Variants in SH3RF2 observed in about 807,000 individuals in gnomAD.
The protein encoded by SH3RF2 is SH3 domain containing ring finger 2, also known as E3 ubiquitin-protein ligase SH3RF2.
SH3RF2 carries 43 observed loss-of-function variants against 59.0 expected under a neutral mutation model. The ratio of observed to expected loss-of-function variants is 0.73; its 90% CI spans 0.57 to 0.94. The LOEUF (loss-of-function observed/expected upper bound fraction) is 0.94. Ranked by LOEUF, SH3RF2 falls within the 40% of genes least tolerant of loss-of-function variation. SH3RF2 has a pLI of 0.00. For synonymous variants in SH3RF2, 391 were observed against 391.5 expected (o/e 1.00, Z 0.01); for missense variants, 930 against 940.1 (o/e 0.99, Z 0.14).
At chr5:145,992,445 A>G (rs1759975844) in intron 2 of SH3RF2, among the ~76,000 whole-genome samples, 1 of 152,198 alleles carries the variant, frequency 6.6e-6, no homozygotes, top group Non-Finnish European at 1.5e-5. Context: ...ATTATTTTCT[A>G]GCTTTGTGAA....
intron 2 of SH3RF2, among the ~76,000 whole-genome samples, chr5:145,986,590 C>A (rs981172520): frequency 6.6e-6 from 1 of 152,096 alleles, no homozygotes; most frequent in African/African-American, 2.4e-5. Flanking sequence ...GAGATGGTGA[C>A]GGAAATCTTT....
chr5:146,065,696 C>A (rs1254838572), downstream of SH3RF2, among the ~76,000 whole-genome samples: 1 of 152,224 alleles, frequency 6.6e-6, no homozygotes, highest in African/African-American at 2.4e-5. Flanking sequence ...TCACCCTCTC[C>A]CAAAGAAAAT....
chr5:146,072,214 A>C (rs1763253298), intron 9 of SH3RF2, among the ~76,000 whole-genome samples: 1 of 152,182 alleles, frequency 6.6e-6, no homozygotes. Context: ...TCATCAGAAA[A>C]GTGGGAACAA....
chr5:146,064,835 A>G (rs1180014704), downstream of SH3RF2, among the ~76,000 whole-genome samples: 11 of 14,456 alleles, frequency 7.6e-4, no homozygotes, highest in Admixed American at 5.0e-3. Flanking sequence ...AAAGAAAGAA[A>G]GAAAGAAAGA....
Position 146,059,998 on chromosome 5 carries a change from C to G in SH3RF2, c.1688C>G (p.Pro563Arg), listed in dbSNP as rs776736491. ...FYQPQGIPSS[P>R]SAVVVEMGSK... ...CAGCCACAGGGGATCCCCTCCTCCC[C>G]CTCAGCCGTGGTGGTGGAGATGGGG... is the stretch of plus-strand genomic sequence containing the variant. The change falls in exon 9 of 10, where the codon CCC (proline) becomes CGC (arginine). Residue 563 changes from proline (P) to arginine (R), a missense_variant. Pro to Arg is a moderately radical substitution (Grantham distance 103). Transcript: ENST00000359120. The G allele has an allele frequency of 1.3e-6, 2 of 1,597,514 alleles. No homozygotes were observed. The highest frequency in any genetic ancestry group is 1.7e-6 in the Non-Finnish European group (2 of 1,170,710).
At chr5:146,074,504 C>T (rs766620323) in intron 9 of SH3RF2, among the ~76,000 whole-genome samples, 1 of 151,840 alleles carries the variant, frequency 6.6e-6, no homozygotes, top group Non-Finnish European at 1.5e-5. Context: ...TAAGAACTCA[C>T]CTTTCAGAGG....
At position 145,972,376 on chromosome 5, in the gene SH3RF2, T is replaced by A. The variant is rs760701605; in HGVS notation, c.379-27682T>A. Among the ~76,000 whole-genome samples the A allele has an allele frequency of 8.4e-4, 128 of 152,278 alleles. 1 individual carries two copies. Among genetic ancestry groups the A allele is most frequent in the Non-Finnish European group, 9.6e-4 (65 of 68,012 alleles). ...CAGAACAGATGGGTTTGCCACCTCC[T>A]AAGGGAGCAAGTGCAGAAGCAAAGG... On this transcript the variant is annotated intron_variant, in intron 2 of 9. Transcript: ENST00000359120.
At chr5:146,052,080 G>A (rs202117390) in intron 7 of SH3RF2, among the ~76,000 whole-genome samples, 157 of 152,246 alleles carry the variant, frequency 1.0e-3, no homozygotes, top group African/African-American at 3.7e-3. Context: ...GCTTTAAAAT[G>A]AATTCCCCAG....
intron 2 of SH3RF2, among the ~76,000 whole-genome samples, chr5:145,972,626 CAAG>C (rs1280855928): frequency 6.6e-6 from 1 of 152,182 alleles, no homozygotes; most frequent in Non-Finnish European, 1.5e-5. Flanking sequence ...AACACTGACT[CAAG>C]AGTTGAGTGT....
downstream of SH3RF2, among the ~76,000 whole-genome samples, chr5:146,064,859 A>AG (rs1763061471): frequency 1.1e-4 from 3 of 27,866 alleles, 1 homozygote; most frequent in South Asian, 8.5e-3. Context: ...AAAGAAAGAA[A>AG]GAAAGAGAAA....
At chr5:145,939,058 C>G (rs1401730409) in intron 2 of SH3RF2, among the ~76,000 whole-genome samples, 1 of 152,236 alleles carries the variant, frequency 6.6e-6, no homozygotes, top group Admixed American at 6.5e-5. Flanking sequence ...TAATGGGAAT[C>G]GCTCTGTCCA....
chr5:145,972,253 A>G (rs1185753304), intron 2 of SH3RF2, among the ~76,000 whole-genome samples: 1 of 152,200 alleles, frequency 6.6e-6, no homozygotes, highest in Non-Finnish European at 1.5e-5. Flanking sequence ...AAAATTAAAG[A>G]AAGAAAAGGA....
At chr5:146,009,517 C>A (rs1421059304) in intron 4 of SH3RF2, among the ~76,000 whole-genome samples, 1 of 152,206 alleles carries the variant, frequency 6.6e-6, no homozygotes, top group African/African-American at 2.4e-5. Context: ...CTAGCTCCTT[C>A]TTGACATTTG....
At chr5:145,955,421 G>C (rs1367860778) in intron 2 of SH3RF2, among the ~76,000 whole-genome samples, 1 of 152,140 alleles carries the variant, frequency 6.6e-6, no homozygotes, top group Non-Finnish European at 1.5e-5. Context: ...AGGAAAAGAG[G>C]GGGATAAGGA....
intron 2 of SH3RF2, among the ~76,000 whole-genome samples, chr5:145,982,963 G>A (rs146636102): frequency 3.9e-5 from 6 of 152,172 alleles, no homozygotes; most frequent in East Asian, 1.9e-4. Flanking sequence ...ATAATACCCC[G>A]CAATGTCATG....
At chr5:145,963,988 G>A (rs1388874271) in intron 2 of SH3RF2, among the ~76,000 whole-genome samples, 6 of 151,392 alleles carry the variant, frequency 4.0e-5, no homozygotes, top group East Asian at 3.9e-4. Flanking sequence ...GCCCGCCACC[G>A]CGCCCGGCTA....
chr5:146,011,489 A>G (rs2149991556), intron 4 of SH3RF2, among the ~76,000 whole-genome samples: 1 of 152,308 alleles, frequency 6.6e-6, no homozygotes, highest in East Asian at 1.9e-4. Flanking sequence ...CGTTTTCACA[A>G]TATTGATTCT....
chr5:146,066,179 C>CA (rs33998616), downstream of SH3RF2, among the ~76,000 whole-genome samples: 1 of 152,188 alleles, frequency 6.6e-6, no homozygotes, highest in African/African-American at 2.4e-5. Context: ...CTCCATGAAC[C>CA]AAAAACCCAT....
intron 5 of SH3RF2, among the ~76,000 whole-genome samples, chr5:146,044,570 C>A (rs1400172516): frequency 1.3e-5 from 2 of 152,008 alleles, no homozygotes; most frequent in Admixed American, 6.6e-5. Flanking sequence ...TATCTGTTGC[C>A]CATTTTTATT....
Sources: allele counts gnomAD v4.1 joint callset (sites outside exome capture counted in the v4.1 genomes callset), GRCh38; gene constraint gnomAD v4.1.1; transcripts MANE v1.5; gene names NCBI Gene and HGNC (gene_info 2026-07-23, HGNC 2026-07-21).